SMUG1: variants seen among roughly 807,000 people sequenced by gnomAD.
The protein encoded by SMUG1 is single-strand selective monofunctional uracil DNA glycosylase.
In SMUG1, 13 loss-of-function variants were observed where a neutral mutation model predicts 23.9. The observed-to-expected ratio is 0.54, with a 90% CI of 0.35 to 0.86. SMUG1 has a LOEUF of 0.86. Ranked by LOEUF, SMUG1 falls within the 40% of genes least tolerant of loss-of-function variation. The probability of loss-of-function intolerance (pLI) is 0.01; values close to 1 mark genes in which losing one functional copy is unlikely to be tolerated. For missense variants in SMUG1, 313 were observed against 339.5 expected (o/e 0.92, Z 0.61); for synonymous variants, 133 against 139.8 (o/e 0.95, Z 0.34).
In SMUG1 at chr12:54,183,831, C is replaced by T. The variant is rs376491349; in HGVS notation, c.110G>A (p.Arg37Gln). 52 of 1,613,762 alleles carry T rather than the reference C, an allele frequency of 3.2e-5. No individual in the cohort carries two copies. Among genetic ancestry groups the T allele is most frequent in the Non-Finnish European group, 3.9e-5 (46 of 1,179,934 alleles). Residue 37 changes from arginine to glutamine, a missense_variant, in exon 3 of 4, where the codon CGG (arginine) becomes CAG (glutamine). Transcript: ENST00000682136. ...CAGCTGGCTCAGCTCAGCATTGAGC[C>T]GAAGCTCCTCCTCCAGGAAGCTCTC... The part of the protein sequence containing the change: ...LAESFLEEEL[R>Q]LNAELSQLQF...
At chr12:54,182,907 C>T (rs1482360863) in intron 3 of SMUG1, 9 of 433,774 alleles carry the variant, frequency 2.1e-5, no homozygotes, top group Non-Finnish European at 8.0e-6. Context: ...TCTAGCCCTA[C>T]ACAGGGTTTG....
In SMUG1 at chr12:54,181,462, T is replaced by G; in HGVS notation, c.*634A>C. On this transcript the variant is annotated 3_prime_UTR_variant, in exon 4 of 4. Coordinates refer to ENST00000682136, the MANE Select transcript of SMUG1 (RefSeq NM_001243787.2). ...AAGGTAGGCATCCCTGTTTTACAGA[T>G]GAGGAGCCTGAGGCATAGAGAGGTT... 3 of 1,180,892 alleles carry G rather than the reference T, an allele frequency of 2.5e-6. No individual in the cohort carries two copies. Among genetic ancestry groups the G allele is most frequent in the Non-Finnish European group, 3.6e-6 (3 of 826,784 alleles). 73.2% of individuals were successfully genotyped at this position (1,180,892 alleles called of 1,614,324 possible). A position where few individuals can be genotyped will look rare whatever the true frequency, so the allele number is the denominator to read the frequency against.
At chr12:54,159,206 G>A (rs999692133) in intron 4 of SMUG1, among the ~76,000 whole-genome samples, 11 of 152,064 alleles carry the variant, frequency 7.2e-5, no homozygotes, top group African/African-American at 9.7e-5. Flanking sequence ...ACAGCCCGGC[G>A]TCGAGCCCCC....
chr12:54,176,507 TC>T (rs74743496), downstream of SMUG1, among the ~76,000 whole-genome samples: 1 of 64,396 alleles, frequency 1.6e-5, no homozygotes, highest in Non-Finnish European at 3.0e-5. Context: ...GAAGATCCTG[TC>T]CCCCCCCAAA....
chr12:54,188,294 T>A (rs1196106395), intron 1 of SMUG1, among the ~76,000 whole-genome samples: 1,264 of 50,086 alleles, frequency 0.025, 17 homozygotes, highest in African/African-American at 0.078. Context: ...ATAATAATAA[T>A]AAATAATAAT....
intron 3 of SMUG1, among the ~76,000 whole-genome samples, chr12:54,171,228 G>A (rs573335506): frequency 6.6e-5 from 10 of 150,722 alleles, no homozygotes; most frequent in Middle Eastern, 7.0e-3. Flanking sequence ...TTGAACTCCT[G>A]ACCTCAGGTG....
intron 3 of SMUG1, among the ~76,000 whole-genome samples, chr12:54,167,974 C>G (rs1940524744): frequency 6.6e-6 from 1 of 152,222 alleles, no homozygotes; most frequent in African/African-American, 2.4e-5. Context: ...AATGAAAACT[C>G]CAAACCTGTT....
At chr12:54,162,641 T>C (rs1940306497), downstream of SMUG1, 1 of 152,208 alleles carries the variant, frequency 6.6e-6, no homozygotes, top group Non-Finnish European at 1.5e-5. Context: ...GGTATAAGAC[T>C]GAACATTAAC....
intron 2 of SMUG1, among the ~76,000 whole-genome samples, chr12:54,174,198 T>C (rs1050198232): frequency 2.0e-5 from 3 of 152,152 alleles, no homozygotes; most frequent in Non-Finnish European, 4.4e-5. Flanking sequence ...TCCACACTCA[T>C]GCTCAGAGCA....
intron 4 of SMUG1, among the ~76,000 whole-genome samples, chr12:54,159,216 C>G (rs1371600550): frequency 1.3e-5 from 2 of 152,178 alleles, no homozygotes; most frequent in Admixed American, 1.3e-4. Context: ...GTCGAGCCCC[C>G]AGCCCTCAGC....
intron 1 of SMUG1, chr12:54,188,506 C>G (rs895752080): frequency 2.0e-5 from 3 of 151,786 alleles, no homozygotes; most frequent in African/African-American, 7.3e-5. Context: ...CGCCTGTAAT[C>G]CCACCTACTC....
In SMUG1 at chr12:54,182,222, C is replaced by T. The variant is rs1248473191; in HGVS notation, c.687G>A (p.Met229Ile). The T allele has an allele frequency of 3.7e-6, 6 of 1,612,280 alleles. No individual in the cohort carries two copies. Among genetic ancestry groups the T allele is most frequent in the Non-Finnish European group, 3.4e-6 (4 of 1,178,740 alleles). The change falls in exon 4 of 4, where the codon ATG becomes ATA. Residue 229 changes from methionine to isoleucine, a missense_variant. By Grantham distance (10) the Met-to-Ile change is conservative. Coordinates refer to ENST00000682136, the MANE Select transcript of SMUG1 (RefSeq NM_001243787.2). ...GGAGCCCTTCCACCTGGACCTCTGG[C>T]ATCAGGCCTGCCAGAGCCCGTCGTG... ...QRARRALAGLMPEVQVEGLLH... is the reference protein window; with the variant it reads ...QRARRALAGLIPEVQVEGLLH...
downstream of SMUG1, among the ~76,000 whole-genome samples, chr12:54,177,413 A>C (rs1994355): frequency 0.72 from 109,070 of 152,124 alleles, 39,672 homozygotes; most frequent in African/African-American, 0.84. Flanking sequence ...GGAAATGTTC[A>C]ATTTCTGTGT....
At chr12:54,158,763 C>T (rs1377151688) in intron 4 of SMUG1, among the ~76,000 whole-genome samples, 1 of 152,170 alleles carries the variant, frequency 6.6e-6, no homozygotes, top group Non-Finnish European at 1.5e-5. Flanking sequence ...CCTACTCTAA[C>T]TCCAGCCTAC....
Position 54,183,871 on chromosome 12 carries a change from G to C in SMUG1, c.70C>G (p.Pro24Ala). The C allele has an allele frequency of 6.2e-7, 1 of 1,611,040 alleles. No individual in the cohort carries two copies. Among genetic ancestry groups the C allele is most frequent in the South Asian group, 1.1e-5 (1 of 90,484 alleles). ...AGALMEPQPCPGSLAESFLEE... is the reference protein window; with the variant it reads ...AGALMEPQPCAGSLAESFLEE... ...AGGAAGCTCTCAGCCAAGCTTCCAG[G>C]GCAGGGCTGGGGCTCCATGAGGGCA... The change falls in exon 3 of 4, where the codon CCT becomes GCT. Residue 24 changes from proline (P) to alanine (A), a missense_variant. Physicochemically the swap from Pro to Ala is conservative, Grantham distance 27. Coordinates refer to ENST00000682136, the MANE Select transcript of SMUG1 (RefSeq NM_001243787.2).
At chr12:54,176,085 G>C (rs1343399559), downstream of SMUG1, among the ~76,000 whole-genome samples, 1 of 152,130 alleles carries the variant, frequency 6.6e-6, no homozygotes, top group East Asian at 1.9e-4. Context: ...AATTAGCCAG[G>C]CATGTTGGCA....
chr12:54,182,899 T>G, intron 3 of SMUG1: 2 of 446,348 alleles, frequency 4.5e-6, no homozygotes, highest in East Asian at 4.2e-5. Context: ...TTGAGATATC[T>G]AGCCCTACAC....
intron 4 of SMUG1, among the ~76,000 whole-genome samples, chr12:54,159,236 A>C (rs1484615466): frequency 2.0e-5 from 3 of 152,178 alleles, no homozygotes; most frequent in African/African-American, 7.2e-5. Flanking sequence ...CCCTCACTGA[A>C]GAAGGAGGTA....
chr12:54,185,848 A>ATGTTATGTTTAGG (rs1942336569), intron 2 of SMUG1, among the ~76,000 whole-genome samples: 1 of 151,480 alleles, frequency 6.6e-6, no homozygotes. Flanking sequence ...ATGGAATGAG[A>ATGTTATGTTTAGG]TGTTATGTTT....
Sources: gnomAD v4.1 joint callset for allele counts (sites outside exome capture counted in the v4.1 genomes callset) on GRCh38, gnomAD v4.1.1 for gene constraint, MANE v1.5 for transcripts, NCBI Gene and HGNC (gene_info 2026-07-23, HGNC 2026-07-21) for gene names.